The following CDC42BPB variants were observed in gnomAD, a reference collection of about 807,000 sequenced individuals.
The protein encoded by CDC42BPB is CDC42 binding protein kinase beta.
In CDC42BPB, 37 loss-of-function variants were observed where a neutral mutation model predicts 214.9. The ratio of observed to expected loss-of-function variants is 0.17; its 90% CI spans 0.13 to 0.23. The LOEUF (loss-of-function observed/expected upper bound fraction) is 0.23, where lower values mean the gene tolerates loss of function less well. Ranked by LOEUF, CDC42BPB falls within the 10% of genes least tolerant of loss-of-function variation. The probability of loss-of-function intolerance (pLI) is 1.00; values close to 1 mark genes in which losing one functional copy is unlikely to be tolerated. For synonymous variants in CDC42BPB, 931 were observed against 884.0 expected, an observed-to-expected ratio of 1.05 and a Z score of -0.94; for missense variants, 1,694 against 2,227.0, an observed-to-expected ratio of 0.76 and a Z score of 4.82.
chr14:103,039,806 T>A (rs1230471610), intron 1 of CDC42BPB, among the ~76,000 whole-genome samples: 1 of 152,024 alleles, frequency 6.6e-6, no homozygotes, highest in Non-Finnish European at 1.5e-5. Flanking sequence ...GTATCCAAGT[T>A]GAAAAGGAAG....
rs1893417244 is a variant in CDC42BPB at position 102,970,278 on chromosome 14, C to T, written c.1885-17G>A. On this transcript the variant is annotated splice_polypyrimidine_tract_variant and intron_variant, in intron 13 of 36. Coordinates refer to ENST00000361246, the MANE Select transcript of CDC42BPB (RefSeq NM_006035.4). ...AGCTTCCAGCTACAAAAGGAAGATC[C>T]AGTTTCTATTAACAAAAAGCGAGCC... 1 of 1,601,966 alleles carries T rather than the reference C, an allele frequency of 6.2e-7. No homozygotes were observed. Among genetic ancestry groups the T allele is most frequent in the Non-Finnish European group, 8.5e-7 (1 of 1,173,572 alleles).
intron 12 of CDC42BPB, among the ~76,000 whole-genome samples, chr14:102,973,610 C>T (rs1487191493): frequency 6.6e-6 from 1 of 152,148 alleles, no homozygotes; most frequent in Non-Finnish European, 1.5e-5. Context: ...AGCCACCATG[C>T]CCTATGCACA....
chr14:102,976,574 G>C (rs1893756763), intron 9 of CDC42BPB, among the ~76,000 whole-genome samples: 1 of 152,270 alleles, frequency 6.6e-6, no homozygotes, highest in Admixed American at 6.5e-5. Context: ...CCGAGGCACA[G>C]GCTGAAGCCC....
chr14:102,986,723 T>C (rs1894262718), intron 5 of CDC42BPB, 143 bp from the exon 6 acceptor site: 2 of 1,352,994 alleles, frequency 1.5e-6, no homozygotes, highest in South Asian at 3.7e-5. Flanking sequence ...AATGCCTCTG[T>C]GTGACATTCA....
At chr14:103,007,329 A>G (rs973761429) in intron 3 of CDC42BPB, among the ~76,000 whole-genome samples, 1 of 152,196 alleles carries the variant, frequency 6.6e-6, no homozygotes, top group Non-Finnish European at 1.5e-5. Flanking sequence ...TGACTGAGTC[A>G]CGAGGAACCG....
chr14:103,041,564 G>A (rs1340465647), intron 1 of CDC42BPB: 45 of 1,233,722 alleles, frequency 3.6e-5, no homozygotes, highest in South Asian at 3.2e-4. Context: ...CCGAAGATCC[G>A]CAGATGCAAG....
At chr14:103,030,948 T>C (rs1010034622) in intron 1 of CDC42BPB, among the ~76,000 whole-genome samples, 12 of 143,962 alleles carry the variant, frequency 8.3e-5, no homozygotes, top group Admixed American at 2.7e-4. Context: ...GACTGAGCCA[T>C]TGCACTCCAG....
Position 102,999,875 on chromosome 14 carries a change from G to A in CDC42BPB, c.448-162C>T, listed in dbSNP as rs901272614. ...CCAAGACCCTCCTTCTGGAACATGC[G>A]CCCCGATGCGTCCACGACGCCGCCA... On this transcript the variant is annotated intron_variant, in intron 4 of 36. Transcript: ENST00000361246. The A allele has an allele frequency of 9.1e-6, 9 of 985,270 alleles. No individual in the cohort carries two copies. In the African/African-American group the frequency reaches 1.0e-4, roughly 11 times the overall value. The allele number at this position is 985,270 out of a possible 1,614,324, so 61.0% of individuals were successfully genotyped here.
chr14:102,999,794 G>A, intron 4 of CDC42BPB, 81 bp from the exon 5 acceptor site: 1 of 1,559,666 alleles, frequency 6.4e-7, no homozygotes, highest in Non-Finnish European at 8.7e-7. Flanking sequence ...GTCTTCCATG[G>A]CGAGGTTCTC....
At chr14:102,994,865 C>A (rs758198854) in intron 5 of CDC42BPB, among the ~76,000 whole-genome samples, 1 of 152,230 alleles carries the variant, frequency 6.6e-6, no homozygotes, top group South Asian at 2.1e-4. Flanking sequence ...GCTGCAAAAC[C>A]AGCAGAGGTC....
chr14:103,001,995 C>T lies in CDC42BPB; in HGVS notation c.447+1933G>A, dbSNP rs1288504880. ...AGACCTAGTCTGTCCTGTCACAGAA[C>T]GCGGGGTGCTGAGTTAAGCCAGTAA... On this transcript the variant is annotated intron_variant, in intron 4 of 36. Transcript: ENST00000361246. The surrounding 1 kb of genome is among the most constrained non-coding windows in gnomAD (Gnocchi z 5.8). Among the ~76,000 whole-genome samples, 2 of 152,314 alleles carry T rather than the reference C, an allele frequency of 1.3e-5. No homozygotes were observed. The highest frequency in any genetic ancestry group is 6.5e-5 in the Admixed American group (1 of 15,302).
At chr14:102,959,600 T>C (rs1482013742) in intron 21 of CDC42BPB, 31 bp downstream of exon 21, 2 of 1,464,976 alleles carry the variant, frequency 1.4e-6, no homozygotes, top group Non-Finnish European at 1.9e-6. Context: ...CATAAACTCA[T>C]CTGTCACTTA....
chr14:102,986,080 A>G (rs1445160238), intron 6 of CDC42BPB, among the ~76,000 whole-genome samples: 1 of 152,322 alleles, frequency 6.6e-6, no homozygotes, highest in East Asian at 1.9e-4. Context: ...CCTAGCAGGA[A>G]GTTACCTGCC....
chr14:102,994,842 T>C (rs930382572), intron 5 of CDC42BPB, among the ~76,000 whole-genome samples: 7 of 152,226 alleles, frequency 4.6e-5, no homozygotes, highest in African/African-American at 1.4e-4. Flanking sequence ...CCGTTCCCCT[T>C]GTGGAACTTC....
intron 1 of CDC42BPB, among the ~76,000 whole-genome samples, chr14:103,014,310 G>T (rs1324805992): frequency 6.6e-6 from 1 of 152,154 alleles, no homozygotes; most frequent in Non-Finnish European, 1.5e-5. Flanking sequence ...TGCCAGTCTG[G>T]CATCCGTGCA....
chr14:102,970,304 C>T (rs112312597), intron 13 of CDC42BPB, 43 bp from the exon 14 acceptor site: 753 of 1,571,920 alleles, frequency 4.8e-4, no homozygotes, highest in Admixed American at 7.4e-4. Flanking sequence ...AAAGCGAGCC[C>T]TGCTTCACCA....
intron 28 of CDC42BPB, among the ~76,000 whole-genome samples, chr14:102,946,256 C>T (rs1248515217): frequency 2.0e-5 from 3 of 152,126 alleles, no homozygotes; most frequent in Non-Finnish European, 4.4e-5. Flanking sequence ...ACCTCCTGAC[C>T]TTGTGATCCG....
chr14:103,005,849 G>A (rs975829952), intron 3 of CDC42BPB, among the ~76,000 whole-genome samples: 2 of 151,954 alleles, frequency 1.3e-5, no homozygotes, highest in Non-Finnish European at 2.9e-5. Context: ...GTGAAACCCC[G>A]TCTCTACTAA....
chr14:103,042,441 G>A (rs571247761), intron 1 of CDC42BPB, among the ~76,000 whole-genome samples: 2 of 152,092 alleles, frequency 1.3e-5, no homozygotes, highest in Non-Finnish European at 2.9e-5. Context: ...CTCCCGAGTA[G>A]CTGGGACTAC....
Sources: gnomAD v4.1 joint callset for allele counts (sites outside exome capture counted in the v4.1 genomes callset) on GRCh38, gnomAD v4.1.1 for gene constraint, Gnocchi (gnomAD v3.1) non-coding constraint, MANE v1.5 for transcripts, NCBI Gene and HGNC (gene_info 2026-07-23, HGNC 2026-07-21) for gene names.